The following GPC3 variants were observed in gnomAD, a reference collection of about 807,000 sequenced individuals.
The protein encoded by GPC3 is glypican 3.
A neutral mutation model predicts 34.4 loss-of-function variants in GPC3; 3 were observed. That is an observed-to-expected ratio of 0.09 (90% CI 0.04 to 0.23). The LOEUF is 0.23. GPC3 is among the 10% of genes least tolerant of loss of function. GPC3 has a pLI of 1.00. For synonymous variants in GPC3, 177 were observed against 174.0 expected (o/e 1.02, Z -0.13); for missense variants, 351 against 445.6 (o/e 0.79, Z 1.91).
chrX:133,710,459 T>C (rs866568255), intron 3 of GPC3, among the ~76,000 whole-genome samples: 9 of 112,193 alleles, frequency 8.0e-5, no homozygotes, highest in African/African-American at 2.3e-4. Context: ...CCCAACCAGA[T>C]AGAAATTTGA....
At chrX:133,943,657 TC>T (rs1041437835) in intron 2 of GPC3, among the ~76,000 whole-genome samples, 5 of 112,331 alleles carry the variant, frequency 4.5e-5, no homozygotes, top group African/African-American at 1.6e-4. Context: ...TCTCTTCCCT[TC>T]AGGTCCTTGT....
At chrX:133,555,339 G>A (rs764153296) in intron 7 of GPC3, among the ~76,000 whole-genome samples, 1 of 112,548 alleles carries the variant, frequency 8.9e-6, no homozygotes, top group Non-Finnish European at 1.9e-5. Flanking sequence ...TCTTAAAGAT[G>A]GATATTCTCT....
chrX:133,565,842 GGA>G (rs1372577659), intron 7 of GPC3, among the ~76,000 whole-genome samples: 3 of 112,247 alleles, frequency 2.7e-5, no homozygotes, highest in Non-Finnish European at 3.8e-5. Flanking sequence ...GGCAGAATAG[GGA>G]GAGTTTGAGG....
chrX:133,559,071 ATTTCTTTC>A (rs748520515), intron 7 of GPC3, among the ~76,000 whole-genome samples: 1 of 110,450 alleles, frequency 9.1e-6, no homozygotes, highest in African/African-American at 3.3e-5. Context: ...TTTATGTAAC[ATTTCTTTC>A]TTTCTTTCTT....
At chrX:133,583,851 T>C (rs959212118) in intron 7 of GPC3, among the ~76,000 whole-genome samples, 2 of 112,185 alleles carry the variant, frequency 1.8e-5, no homozygotes, top group Non-Finnish European at 3.8e-5. Flanking sequence ...ATGCAAGACT[T>C]CTTACTATTA....
chrX:133,825,146 TGCCTGGCGAA>T (rs2075740268), intron 2 of GPC3, among the ~76,000 whole-genome samples: 1 of 112,339 alleles, frequency 8.9e-6, no homozygotes, highest in Non-Finnish European at 1.9e-5. Context: ...TGAGCCACTG[TGCCTGGCGAA>T]AATTACATTT....
At position 133,692,429 on chromosome X, in the gene GPC3, C is replaced by A. The variant is rs139206747; in HGVS notation, c.1232G>T (p.Ser411Ile). The change falls in exon 5 of 8, where the codon AGC becomes ATC. Residue 411 changes from serine (S) to isoleucine (I), a missense_variant. Coordinates refer to ENST00000370818, the MANE Select transcript of GPC3 (RefSeq NM_004484.4). ...FYSALPGYIC[S>I]HSPVAENDTL... ...GTCGTTTTCCGCCACAGGGCTATGG[C>A]TGCAGATGTAGCCAGGCAAAGCACT... The A allele has an allele frequency of 5.6e-5, 68 of 1,205,599 alleles. No homozygotes were observed. Among genetic ancestry groups the A allele is most frequent in the Non-Finnish European group, 7.3e-5 (65 of 890,326 alleles).
intron 3 of GPC3, among the ~76,000 whole-genome samples, chrX:133,710,483 G>T (rs930179335): frequency 1.8e-5 from 2 of 112,197 alleles, no homozygotes; most frequent in Admixed American, 1.9e-4. Flanking sequence ...ATTCTTAAGT[G>T]GGGACTACTT....
At chrX:133,807,868 A>G (rs2075644489) in intron 2 of GPC3, among the ~76,000 whole-genome samples, 1 of 112,447 alleles carries the variant, frequency 8.9e-6, no homozygotes, top group Non-Finnish European at 1.9e-5. Flanking sequence ...AGAAATGTAC[A>G]TTGCTTGGCC....
intron 2 of GPC3, among the ~76,000 whole-genome samples, chrX:133,924,328 A>G (rs1332017195): frequency 9.0e-6 from 1 of 111,378 alleles, no homozygotes; most frequent in African/African-American, 3.3e-5. Flanking sequence ...GATTTTTTTA[A>G]TTGTTAAAGA....
chrX:133,753,461 C>G, intron 3 of GPC3, 21 bp downstream of exon 3: 1 of 1,168,215 alleles, frequency 8.6e-7, no homozygotes. Flanking sequence ...AATCCTCTGA[C>G]AACTGTAGAC....
At chrX:133,768,621 G>C (rs1175075896) in intron 2 of GPC3, among the ~76,000 whole-genome samples, 1 of 111,752 alleles carries the variant, frequency 8.9e-6, no homozygotes, top group Non-Finnish European at 1.9e-5. Flanking sequence ...CAACCCAAGT[G>C]TCCCTTGACA....
chrX:133,910,258 T>TA (rs755370667), intron 2 of GPC3, among the ~76,000 whole-genome samples: 541 of 110,936 alleles, frequency 4.9e-3, no homozygotes, highest in Non-Finnish European at 7.5e-3. Flanking sequence ...AATAAAAAAT[T>TA]AAAAAAAAGT....
chrX:133,726,625 T>C (rs1487150273), intron 3 of GPC3, among the ~76,000 whole-genome samples: 1 of 111,347 alleles, frequency 9.0e-6, no homozygotes, highest in African/African-American at 3.3e-5. Flanking sequence ...TCTTATTACC[T>C]CACCTTCCTA....
chrX:133,830,087 A>T (rs1360317484), intron 2 of GPC3, among the ~76,000 whole-genome samples: 1 of 112,242 alleles, frequency 8.9e-6, no homozygotes, highest in Non-Finnish European at 1.9e-5. Context: ...AAAAAGAAGA[A>T]TAAAATTGGG....
chrX:133,622,538 T>C (rs2070246018), intron 6 of GPC3, among the ~76,000 whole-genome samples: 2 of 112,114 alleles, frequency 1.8e-5, no homozygotes, highest in Admixed American at 9.4e-5. Context: ...CAAGCTTTAG[T>C]AGCCGATTCG....
chrX:133,971,018 G>T (rs1225732407), intron 1 of GPC3, among the ~76,000 whole-genome samples: 1 of 112,231 alleles, frequency 8.9e-6, no homozygotes, highest in East Asian at 2.8e-4. Context: ...AACTTCATCA[G>T]GGAAAAGCAG....
intron 2 of GPC3, among the ~76,000 whole-genome samples, chrX:133,935,920 A>T (rs1188987223): frequency 9.1e-6 from 1 of 110,210 alleles, no homozygotes; most frequent in Admixed American, 9.8e-5. Context: ...GTTTCATAAC[A>T]ATCTTTTCTT....
intron 6 of GPC3, among the ~76,000 whole-genome samples, chrX:133,605,635 A>G (rs2070041299): frequency 8.9e-6 from 1 of 112,427 alleles, no homozygotes; most frequent in South Asian, 3.7e-4. Context: ...GTTATTGGAC[A>G]TGTTAACTCT....
Sources: gnomAD v4.1 joint callset for allele counts (sites outside exome capture counted in the v4.1 genomes callset) on GRCh38, gnomAD v4.1.1 for gene constraint, MANE v1.5 for transcripts, NCBI Gene and HGNC (gene_info 2026-07-23, HGNC 2026-07-21) for gene names.